Variants in GABRB3 observed in about 807,000 individuals in gnomAD.
The protein encoded by GABRB3 is gamma-aminobutyric acid receptor subunit beta-3.
In GABRB3, 14 loss-of-function variants were observed where a neutral mutation model predicts 52.1. The ratio of observed to expected loss-of-function variants is 0.27; its 90% CI spans 0.18 to 0.42. The LOEUF is 0.42. GABRB3 is among the 10% of genes least tolerant of loss of function. The pLI is 1.00. For synonymous variants in GABRB3, 260 were observed against 232.3 expected (o/e 1.12, Z -1.08); for missense variants, 307 against 609.1 (o/e 0.50, Z 5.22).
intron 3 of GABRB3, among the ~76,000 whole-genome samples, chr15:26,726,086 C>G (rs1481892109): frequency 6.6e-6 from 1 of 151,304 alleles, no homozygotes; most frequent in Non-Finnish European, 1.5e-5. Flanking sequence ...AAAGACATAT[C>G]ACAGCTGGAG....
chr15:26,748,480 G>A (rs190485438), intron 3 of GABRB3, among the ~76,000 whole-genome samples: 2 of 152,128 alleles, frequency 1.3e-5, no homozygotes, highest in East Asian at 3.9e-4. Flanking sequence ...TATTTTTTCT[G>A]AAGTGTTGAA....
intron 3 of GABRB3, among the ~76,000 whole-genome samples, chr15:26,765,128 T>TTAAA (rs1890960741): frequency 3.1e-4 from 2 of 6,364 alleles, no homozygotes; most frequent in Admixed American, 1.2e-3. Flanking sequence ...AGACTCCGAC[T>TTAAA]CAAAAAAAAA....
At chr15:26,773,147 G>A, upstream of GABRB3, 2 of 387,172 alleles carry the variant, frequency 5.2e-6, no homozygotes, top group Non-Finnish European at 7.3e-6. Context: ...AGCGGGGAGG[G>A]AGGAGCGCGC....
chr15:26,625,432 C>T, intron 3 of GABRB3: 1 of 978,022 alleles, frequency 1.0e-6, no homozygotes, highest in Non-Finnish European at 1.2e-6. Flanking sequence ...CAATTTTTAC[C>T]TTTGCAATGA....
At chr15:26,765,002 C>T (rs529328622) in intron 3 of GABRB3, among the ~76,000 whole-genome samples, 4 of 151,844 alleles carry the variant, frequency 2.6e-5, no homozygotes, top group African/African-American at 9.7e-5. Flanking sequence ...TGGTGGCGGG[C>T]ACCTGTAGTC....
intron 3 of GABRB3, among the ~76,000 whole-genome samples, chr15:26,735,989 A>G (rs2140155403): frequency 6.8e-6 from 1 of 147,760 alleles, no homozygotes; most frequent in Non-Finnish European, 1.5e-5. Flanking sequence ...CTAAAAACAC[A>G]TATCCTATAT....
intron 3 of GABRB3, among the ~76,000 whole-genome samples, chr15:26,760,072 A>G (rs1890772176): frequency 6.6e-6 from 1 of 152,240 alleles, no homozygotes; most frequent in African/African-American, 2.4e-5. Context: ...CATAGCATAC[A>G]GCAAAGGGAA....
In GABRB3 at chr15:26,592,791, G is replaced by C. The variant is rs577618539; in HGVS notation, c.462-9377C>G. On this transcript the variant is annotated intron_variant, in intron 4 of 8. Coordinates refer to ENST00000311550, the MANE Select transcript of GABRB3 (RefSeq NM_000814.6). ...GCACTTTGGGAGGCCGAGGCGGGTG[G>C]ATCACAAGGTCAGGAGTTTGAGACC... Among the ~76,000 whole-genome samples the C allele has an allele frequency of 5.9e-5, 9 of 152,118 alleles. No homozygotes were observed. In the East Asian group the frequency reaches 9.7e-4, roughly 16 times the overall value.
Position 26,625,612 on chromosome 15 carries a change from C to G in GABRB3, c.241-4078G>C, listed in dbSNP as rs2140547376. The G allele has an allele frequency of 3.6e-5, 9 of 251,754 alleles. 1 individual carries two copies. Among genetic ancestry groups the G allele is most frequent in the Non-Finnish European group, 5.6e-5 (9 of 160,988 alleles). The allele number at this position is 251,754 out of a possible 1,614,324, so 15.6% of individuals were successfully genotyped here. Reference sequence around the variant, plus strand: ...ATAGCAGAGGGGACACTGGATTCCTCACAGAACATGAAATGGAAATTAAGC... The same window carrying G: ...ATAGCAGAGGGGACACTGGATTCCTGACAGAACATGAAATGGAAATTAAGC... On this transcript the variant is annotated intron_variant, in intron 3 of 8. Coordinates refer to ENST00000311550, the MANE Select transcript of GABRB3 (RefSeq NM_000814.6).
At chr15:26,692,734 A>G (rs1888624592) in intron 3 of GABRB3, among the ~76,000 whole-genome samples, 1 of 152,214 alleles carries the variant, frequency 6.6e-6, no homozygotes, top group Non-Finnish European at 1.5e-5. Context: ...ATGAAGGCAG[A>G]GAAAAAAATC....
intron 3 of GABRB3, among the ~76,000 whole-genome samples, chr15:26,759,703 G>C (rs185483005): frequency 1.3e-5 from 2 of 152,194 alleles, no homozygotes; most frequent in Admixed American, 1.3e-4. Context: ...CTTTTGATCT[G>C]GATTATGAAC....
intron 5 of GABRB3, among the ~76,000 whole-genome samples, chr15:26,582,381 A>C (rs184172982): frequency 6.6e-6 from 1 of 152,334 alleles, no homozygotes; most frequent in Admixed American, 6.5e-5. Flanking sequence ...TAACTTCTTA[A>C]GATCATCCTT....
chr15:26,645,328 G>C (rs1893319598), intron 3 of GABRB3, among the ~76,000 whole-genome samples: 1 of 152,182 alleles, frequency 6.6e-6, no homozygotes, highest in Non-Finnish European at 1.5e-5. Context: ...TACATATCTG[G>C]ATGTGTGTAT....
intron 4 of GABRB3, among the ~76,000 whole-genome samples, chr15:26,590,951 T>C (rs1891178938): frequency 6.6e-6 from 1 of 152,188 alleles, no homozygotes; most frequent in Non-Finnish European, 1.5e-5. Flanking sequence ...CTAAGATGCA[T>C]TCTTTTTCTA....
At chr15:26,677,263 A>G (rs1030113006) in intron 3 of GABRB3, among the ~76,000 whole-genome samples, 7 of 152,204 alleles carry the variant, frequency 4.6e-5, no homozygotes, top group Non-Finnish European at 1.5e-5. Flanking sequence ...CCCAATTCCC[A>G]GTTAGAACAC....
chr15:26,661,769 T>C (rs914893462), intron 3 of GABRB3, among the ~76,000 whole-genome samples: 1 of 152,066 alleles, frequency 6.6e-6, no homozygotes. Context: ...AGAGCCCAGC[T>C]AAGCAGGGGG....
intron 6 of GABRB3, among the ~76,000 whole-genome samples, chr15:26,578,831 T>C (rs1462137142): frequency 6.6e-6 from 1 of 152,228 alleles, no homozygotes; most frequent in Non-Finnish European, 1.5e-5. Flanking sequence ...AGAAGTAACA[T>C]ATCATTTTTT....
intron 3 of GABRB3, among the ~76,000 whole-genome samples, chr15:26,729,007 C>T (rs1288585538): frequency 2.6e-5 from 4 of 152,148 alleles, no homozygotes; most frequent in African/African-American, 9.7e-5. Context: ...ACTGAGTATA[C>T]GTGAGTCAAG....
intron 3 of GABRB3, among the ~76,000 whole-genome samples, chr15:26,710,676 AT>A (rs1176878171): frequency 6.6e-6 from 1 of 152,242 alleles, no homozygotes; most frequent in African/African-American, 2.4e-5. Context: ...CCAGCAATGT[AT>A]AAAGACTCCA....
Sources: gnomAD v4.1 joint callset for allele counts (sites outside exome capture counted in the v4.1 genomes callset) on GRCh38, gnomAD v4.1.1 for gene constraint, MANE v1.5 for transcripts, NCBI Gene and HGNC (gene_info 2026-07-23, HGNC 2026-07-21) for gene names.